Variants in PITPNC1 observed in about 807,000 individuals in gnomAD.
PITPNC1 encodes the protein phosphatidylinositol transfer protein cytoplasmic 1, also known as cytoplasmic phosphatidylinositol transfer protein 1.
Under a neutral mutation model 44.7 loss-of-function variants are expected in PITPNC1, and 18 were observed. That is an observed-to-expected ratio of 0.40 (90% confidence interval 0.28 to 0.60). The LOEUF is 0.60. PITPNC1 is among the 20% of genes least tolerant of loss of function. The pLI is 0.39. For synonymous variants in PITPNC1, 141 were observed against 149.6 expected (o/e 0.94, Z 0.42); for missense variants, 290 against 418.4 (o/e 0.69, Z 2.68).
At chr17:67,404,135 A>G (rs2038362255) in intron 1 of PITPNC1, among the ~76,000 whole-genome samples, 1 of 152,234 alleles carries the variant, frequency 6.6e-6, no homozygotes, top group African/African-American at 2.4e-5. Context: ...AGTTATTTGT[A>G]CCGATATACT....
At chr17:67,601,626 G>A (rs928552613) in intron 5 of PITPNC1, among the ~76,000 whole-genome samples, 4 of 151,996 alleles carry the variant, frequency 2.6e-5, no homozygotes, top group South Asian at 2.1e-4. Context: ...ATGGTGGTGC[G>A]TGCCTATAGT....
At chr17:67,582,792 G>A (rs923921040) in intron 5 of PITPNC1, among the ~76,000 whole-genome samples, 4 of 152,192 alleles carry the variant, frequency 2.6e-5, no homozygotes, top group African/African-American at 7.2e-5. Flanking sequence ...GGACGGCACC[G>A]TGCCAAGGTA....
intron 8 of PITPNC1, among the ~76,000 whole-genome samples, chr17:67,682,150 G>A (rs1421022383): frequency 2.6e-5 from 4 of 151,920 alleles, no homozygotes; most frequent in African/African-American, 7.3e-5. Flanking sequence ...ACAGTGAGCC[G>A]AGATGGCGCC....
chr17:67,564,499 C>G (rs1162505366), intron 4 of PITPNC1, among the ~76,000 whole-genome samples: 1 of 152,136 alleles, frequency 6.6e-6, no homozygotes, highest in East Asian at 1.9e-4. Context: ...TTGGATGGTG[C>G]CCACCCACAT....
chr17:67,388,175 T>G (rs889965891), intron 1 of PITPNC1, among the ~76,000 whole-genome samples: 4 of 152,196 alleles, frequency 2.6e-5, no homozygotes, highest in Admixed American at 6.5e-5. Flanking sequence ...AGAGATTCTT[T>G]TGTATTTAAT....
chr17:67,685,659 G>GT (rs770035970), intron 8 of PITPNC1, among the ~76,000 whole-genome samples: 1 of 152,194 alleles, frequency 6.6e-6, no homozygotes, highest in Non-Finnish European at 1.5e-5. Flanking sequence ...TGCCAAGAGA[G>GT]TAACAGAGGA....
chr17:67,597,304 C>T lies in PITPNC1; in HGVS notation c.366+19047C>T, dbSNP rs969601945. Among the ~76,000 whole-genome samples the T allele has an allele frequency of 4.6e-5, 7 of 151,998 alleles. No homozygotes were observed. The highest frequency in any genetic ancestry group is 9.7e-5 in the African/African-American group (4 of 41,370). ...CATGGTGGCTCACGCCTGTAATCCC[C>T]GCACTTTGGGAGGCCAAAGTGGGTA... is the stretch of plus-strand genomic sequence containing the variant. On this transcript the variant is annotated intron_variant, in intron 5 of 8. Transcript: ENST00000581322. This position sits in a 1 kb window ranked among gnomAD's most constrained non-coding sequence, Gnocchi z 4.0.
chr17:67,691,057 C>T (rs1021213160), intron 8 of PITPNC1, among the ~76,000 whole-genome samples: 2 of 151,934 alleles, frequency 1.3e-5, no homozygotes, highest in African/African-American at 4.8e-5. Flanking sequence ...GAGCCAAGAT[C>T]ACGCCATTGC....
intron 2 of PITPNC1, among the ~76,000 whole-genome samples, chr17:67,545,437 G>A (rs768849007): frequency 7.9e-5 from 12 of 152,158 alleles, no homozygotes; most frequent in Non-Finnish European, 1.8e-4. Context: ...AATTAACCAG[G>A]TGTGGTGGCA....
chr17:67,378,942 G>C, intron 1 of PITPNC1: 1 of 983,876 alleles, frequency 1.0e-6, no homozygotes, highest in Non-Finnish European at 1.2e-6. Flanking sequence ...CCGGCTGGGG[G>C]CGCCGGGCGC....
At chr17:67,417,855 C>G (rs913443819) in intron 1 of PITPNC1, among the ~76,000 whole-genome samples, 1 of 151,942 alleles carries the variant, frequency 6.6e-6, no homozygotes, top group South Asian at 2.1e-4. Context: ...CCAGCATGGA[C>G]AACATGGTGA....
In PITPNC1 at chr17:67,377,889, C is replaced by G. The variant is rs1327576033; in HGVS notation, c.-266C>G. On this transcript the variant is annotated 5_prime_UTR_variant, in exon 1 of 9. Coordinates refer to ENST00000581322, the MANE Select transcript of PITPNC1 (RefSeq NM_012417.4). ...GTCCCCAGCGGGTCTCCCTCCCTGC[C>G]TCCCTGACTTTGCAACACCGCGTTC... The G allele has an allele frequency of 2.5e-6, 1 of 395,096 alleles. No homozygotes were observed. The allele number at this position is 395,096 out of a possible 1,614,324, so 24.5% of individuals were successfully genotyped here.
intron 6 of PITPNC1, among the ~76,000 whole-genome samples, chr17:67,644,855 A>T (rs1314343267): frequency 6.6e-6 from 1 of 152,200 alleles, no homozygotes; most frequent in African/African-American, 2.4e-5. Context: ...CCCTTAGAAC[A>T]GAGTTCCCAA....
chr17:67,621,658 A>G (rs1343265593), intron 5 of PITPNC1, among the ~76,000 whole-genome samples: 2 of 152,350 alleles, frequency 1.3e-5, no homozygotes, highest in East Asian at 3.9e-4. Context: ...AGTGTTGAAC[A>G]CACAGTAGGT....
chr17:67,435,426 A>G (rs1303433832), intron 1 of PITPNC1, among the ~76,000 whole-genome samples: 1 of 152,204 alleles, frequency 6.6e-6, no homozygotes, highest in African/African-American at 2.4e-5. Flanking sequence ...TCATTCAACA[A>G]GTATTTATTG....
intron 6 of PITPNC1, among the ~76,000 whole-genome samples, chr17:67,648,368 C>T (rs1334277081): frequency 6.6e-6 from 1 of 152,186 alleles, no homozygotes; most frequent in Non-Finnish European, 1.5e-5. Flanking sequence ...TGGAGAACAG[C>T]CTCAAGTTCA....
At chr17:67,427,847 A>G (rs538598973) in intron 1 of PITPNC1, among the ~76,000 whole-genome samples, 60 of 152,356 alleles carry the variant, frequency 3.9e-4, no homozygotes, top group South Asian at 1.9e-3. Context: ...AGGTGCCTAG[A>G]AATCAATTCC....
At chr17:67,451,661 CAG>C (rs1464687689) in intron 1 of PITPNC1, among the ~76,000 whole-genome samples, 11 of 147,572 alleles carry the variant, frequency 7.5e-5, no homozygotes, top group African/African-American at 2.8e-4. Flanking sequence ...TTTTTTGAGA[CAG>C]AGTCTCGCTC....
chr17:67,499,723 A>G (rs1015005323), intron 1 of PITPNC1, among the ~76,000 whole-genome samples: 8 of 152,228 alleles, frequency 5.3e-5, no homozygotes, highest in African/African-American at 1.9e-4. Flanking sequence ...AGATACACAT[A>G]CACTTATAGT....
Sources: allele counts gnomAD v4.1 joint callset (sites outside exome capture counted in the v4.1 genomes callset), GRCh38; gene constraint gnomAD v4.1.1; non-coding constraint Gnocchi (gnomAD v3.1); transcripts MANE v1.5; gene names NCBI Gene and HGNC (gene_info 2026-07-23, HGNC 2026-07-21).